Variants in RPS6KC1 observed in about 807,000 individuals in gnomAD.
RPS6KC1 encodes the protein inactive ribosomal protein S6 kinase delta-1.
RPS6KC1 carries 54 observed loss-of-function variants against 103.8 expected under a neutral mutation model. The observed-to-expected ratio is 0.52, with a 90% CI of 0.42 to 0.65. RPS6KC1 has a LOEUF of 0.65. Ranked by LOEUF, RPS6KC1 falls within the 30% of genes least tolerant of loss-of-function variation. The pLI, the probability that RPS6KC1 is intolerant of heterozygous loss-of-function variation, is 0.00. For missense variants in RPS6KC1, 1,151 were observed against 1,253.8 expected, an observed-to-expected ratio of 0.92 and a Z score of 1.24; for synonymous variants, 439 against 438.7, an observed-to-expected ratio of 1.00 and a Z score of -0.01.
chr1:213,336,540 A>C, the RPS6KC1 span, among the ~76,000 whole-genome samples: 1 of 152,174 alleles, frequency 6.6e-6, no homozygotes, highest in Non-Finnish European at 1.5e-5. Flanking sequence ...TAGAGTCATT[A>C]TTTGGTATGG....
intron 8 of RPS6KC1, among the ~76,000 whole-genome samples, chr1:213,199,624 A>T (rs1444448450): frequency 6.6e-6 from 1 of 152,206 alleles, no homozygotes; most frequent in Admixed American, 6.5e-5. Context: ...CTTATTCAAC[A>T]TAGTATTGGA....
intron 7 of RPS6KC1, 113 bp from the exon 8 acceptor site, chr1:213,176,287 A>C (rs2091862641): frequency 3.7e-6 from 2 of 538,702 alleles, no homozygotes; most frequent in East Asian, 3.0e-5. Context: ...TCATCTTTCC[A>C]TTCTCTGATT....
At chr1:213,649,748 A>T in the RPS6KC1 span, among the ~76,000 whole-genome samples, 1 of 152,078 alleles carries the variant, frequency 6.6e-6, no homozygotes, top group African/African-American at 2.4e-5. Flanking sequence ...TCTCAATTAT[A>T]CCTGCCTTCC....
At chr1:213,632,166 A>G in the RPS6KC1 span, among the ~76,000 whole-genome samples, 1 of 152,220 alleles carries the variant, frequency 6.6e-6, no homozygotes, top group African/African-American at 2.4e-5. Context: ...CCAATGAAGG[A>G]CATTTGGGGT....
At chr1:213,160,184 C>CA (rs1200759974) in intron 6 of RPS6KC1, among the ~76,000 whole-genome samples, 4 of 152,120 alleles carry the variant, frequency 2.6e-5, no homozygotes, top group African/African-American at 9.7e-5. Flanking sequence ...TTAGTGTTCT[C>CA]AAAATGGGTT....
intron 8 of RPS6KC1, among the ~76,000 whole-genome samples, chr1:213,191,647 T>G (rs1037121490): frequency 2.0e-5 from 3 of 152,198 alleles, no homozygotes; most frequent in Non-Finnish European, 4.4e-5. Flanking sequence ...TCTTGTCTGA[T>G]TGCTCTAGCA....
the RPS6KC1 span, among the ~76,000 whole-genome samples, chr1:213,709,036 G>T: frequency 3.6e-3 from 544 of 152,270 alleles, no homozygotes; most frequent in Non-Finnish European, 6.1e-3. Context: ...TTTCTGCTAG[G>T]TTTTGGTATC....
intron 14 of RPS6KC1, among the ~76,000 whole-genome samples, chr1:213,270,137 A>G (rs2095012198): frequency 6.6e-6 from 1 of 152,220 alleles, no homozygotes; most frequent in African/African-American, 2.4e-5. Context: ...GAGGACTTAC[A>G]CTATCTGATT....
intron 8 of RPS6KC1, among the ~76,000 whole-genome samples, chr1:213,217,652 C>T (rs1409200643): frequency 3.3e-5 from 5 of 152,156 alleles, no homozygotes; most frequent in Non-Finnish European, 7.3e-5. Context: ...AATCCAGCAG[C>T]ACATCAGAAA....
rs1195878933 is a variant in RPS6KC1, at chr1:213,232,051, A to G, written c.1093-72A>G. On this transcript the variant is annotated intron_variant, in intron 9 of 14. Coordinates refer to ENST00000366960, the MANE Select transcript of RPS6KC1 (RefSeq NM_012424.6). The stretch of plus-strand genomic sequence containing the variant: ...ATAGATTAGTTTGGTTGATAAACAC[A>G]GAGCACAGCAGGCTCCAAAGGCAAC... 6 of 1,578,954 alleles carry G rather than the reference A, an allele frequency of 3.8e-6. No individual in the cohort carries two copies. In the African/African-American group the frequency reaches 8.1e-5, roughly 21 times the overall value.
chr1:213,323,906 G>A, the RPS6KC1 span, among the ~76,000 whole-genome samples: 1 of 152,052 alleles, frequency 6.6e-6, no homozygotes, highest in African/African-American at 2.4e-5. Context: ...TCTTGGTGTT[G>A]TACATTCTAT....
intron 3 of RPS6KC1, among the ~76,000 whole-genome samples, chr1:213,091,545 T>C (rs1284145519): frequency 3.3e-5 from 5 of 152,242 alleles, no homozygotes; most frequent in African/African-American, 1.2e-4. Flanking sequence ...ATCTTTTACC[T>C]GGGCATGAGT....
intron 2 of RPS6KC1, among the ~76,000 whole-genome samples, chr1:213,074,942 T>A (rs936423084): frequency 7.7e-6 from 1 of 129,410 alleles, no homozygotes; most frequent in African/African-American, 2.9e-5. Context: ...AAACTCCGCC[T>A]CCCGGGTTCA....
At chr1:213,151,338 G>C (rs2088840997) in intron 6 of RPS6KC1, among the ~76,000 whole-genome samples, 1 of 131,458 alleles carries the variant, frequency 7.6e-6, no homozygotes, top group Non-Finnish European at 1.6e-5. Context: ...GGCTGGCCGG[G>C]CGGGGGGCTA....
At chr1:213,714,707 C>G in the RPS6KC1 span, among the ~76,000 whole-genome samples, 1 of 152,268 alleles carries the variant, frequency 6.6e-6, no homozygotes, top group East Asian at 1.9e-4. Flanking sequence ...TGGGCATCAA[C>G]TTCCACCCTG....
At chr1:213,211,813 C>T (rs941120736) in intron 8 of RPS6KC1, among the ~76,000 whole-genome samples, 23 of 152,174 alleles carry the variant, frequency 1.5e-4, no homozygotes, top group African/African-American at 5.3e-4. Flanking sequence ...GATTTTGCAT[C>T]ACTTTAGTGC....
the RPS6KC1 span, among the ~76,000 whole-genome samples, chr1:213,355,958 CA>C: frequency 2.0e-5 from 3 of 152,150 alleles, no homozygotes; most frequent in African/African-American, 7.2e-5. Flanking sequence ...GTACCTATGT[CA>C]TAAGGTTGTT....
the RPS6KC1 span, among the ~76,000 whole-genome samples, chr1:213,807,395 T>A: frequency 1.3e-5 from 2 of 152,240 alleles, no homozygotes; most frequent in Non-Finnish European, 2.9e-5. Flanking sequence ...GGTTCCATTC[T>A]CCCCGTCACT....
At chr1:213,514,064 G>T in the RPS6KC1 span, among the ~76,000 whole-genome samples, 4 of 152,092 alleles carry the variant, frequency 2.6e-5, no homozygotes, top group Non-Finnish European at 5.9e-5. Flanking sequence ...ACTGTTCTCA[G>T]AATGCCTTTG....
Sources: gnomAD v4.1 joint callset for allele counts (sites outside exome capture counted in the v4.1 genomes callset) on GRCh38, gnomAD v4.1.1 for gene constraint, MANE v1.5 for transcripts, NCBI Gene and HGNC (gene_info 2026-07-23, HGNC 2026-07-21) for gene names.